Variants in NAALADL2 observed in about 807,000 individuals in gnomAD.
NAALADL2 encodes N-acetylated alpha-linked acidic dipeptidase like 2.
NAALADL2 carries 76 observed loss-of-function variants against 87.2 expected under a neutral mutation model. The ratio of observed to expected loss-of-function variants is 0.87; its 90% CI spans 0.72 to 1.05. NAALADL2 has a LOEUF of 1.05. NAALADL2 is among the 50% of genes least tolerant of loss of function. The probability of loss-of-function intolerance (pLI) is 0.00; values close to 1 mark genes in which losing one functional copy is unlikely to be tolerated. For missense variants in NAALADL2, 1,089 were observed against 945.8 expected (o/e 1.15, Z -1.99); for synonymous variants, 354 against 331.0 (o/e 1.07, Z -0.75).
intron 9 of NAALADL2, among the ~76,000 whole-genome samples, chr3:175,481,600 T>A (rs1373550349): frequency 6.6e-6 from 1 of 151,894 alleles, no homozygotes; most frequent in African/African-American, 2.4e-5. Flanking sequence ...CAAGTCTAGG[T>A]ATTTATCCAA....
intron 5 of NAALADL2, among the ~76,000 whole-genome samples, chr3:175,398,418 C>T (rs6774177): frequency 0.17 from 25,361 of 149,430 alleles, 2,290 homozygotes; most frequent in African/African-American, 0.23. Flanking sequence ...TTCTAATTCC[C>T]CTCCTCTGCT....
chr3:175,210,014 A>G (rs889594286), intron 2 of NAALADL2, among the ~76,000 whole-genome samples: 1 of 151,872 alleles, frequency 6.6e-6, no homozygotes, highest in African/African-American at 2.4e-5. Flanking sequence ...GAATGTATTA[A>G]TATTATACAT....
intron 2 of NAALADL2, among the ~76,000 whole-genome samples, chr3:175,188,690 C>A (rs1159714308): frequency 6.6e-6 from 1 of 152,108 alleles, no homozygotes; most frequent in Non-Finnish European, 1.5e-5. Flanking sequence ...CTGTACTGCT[C>A]CCTGCTAACT....
intron 3 of NAALADL2, among the ~76,000 whole-genome samples, chr3:175,251,464 G>A (rs1749051382): frequency 6.6e-6 from 1 of 152,176 alleles, no homozygotes; most frequent in South Asian, 2.1e-4. Flanking sequence ...TAGAAAAACT[G>A]TGGTACAGAA....
At chr3:174,915,256 T>G (rs1187323058) in intron 1 of NAALADL2, among the ~76,000 whole-genome samples, 1 of 152,180 alleles carries the variant, frequency 6.6e-6, no homozygotes, top group Non-Finnish European at 1.5e-5. Context: ...TATTGTCTTC[T>G]GTGTTATCTC....
intron 5 of NAALADL2, among the ~76,000 whole-genome samples, chr3:175,327,621 A>G (rs550016994): frequency 6.6e-6 from 1 of 152,324 alleles, no homozygotes; most frequent in South Asian, 2.1e-4. Flanking sequence ...TTTATATAAT[A>G]TCTTAAGAAA....
At chr3:175,687,861 G>T (rs900002083) in intron 11 of NAALADL2, among the ~76,000 whole-genome samples, 1 of 151,878 alleles carries the variant, frequency 6.6e-6, no homozygotes, top group Admixed American at 6.6e-5. Flanking sequence ...CTTGCCATGT[G>T]ATGCACCTGT....
At chr3:174,779,797 A>G (rs1445840795) in intron 3 of NAALADL2, among the ~76,000 whole-genome samples, 3 of 151,862 alleles carry the variant, frequency 2.0e-5, no homozygotes, top group Non-Finnish European at 4.4e-5. Flanking sequence ...GTGTGGTGTT[A>G]TTTCTTAGGT....
chr3:175,241,467 C>G (rs781564301), intron 3 of NAALADL2, among the ~76,000 whole-genome samples: 2 of 152,046 alleles, frequency 1.3e-5, no homozygotes, highest in Non-Finnish European at 2.9e-5. Flanking sequence ...GGGATCCACC[C>G]ACCTCGGCCT....
At chr3:175,507,876 CT>C in intron 9 of NAALADL2, among the ~76,000 whole-genome samples, 1 of 152,286 alleles carries the variant, frequency 6.6e-6, no homozygotes, top group East Asian at 1.9e-4. Context: ...TCTTCATACT[CT>C]GTTAGGTTGT....
intron 1 of NAALADL2, among the ~76,000 whole-genome samples, chr3:174,450,639 A>G (rs1715413877): frequency 6.6e-5 from 10 of 152,150 alleles, no homozygotes; most frequent in Admixed American, 6.5e-4. Flanking sequence ...TGGGAGGCCA[A>G]GGCAGGTGGA....
chr3:175,399,486 G>A (rs957836921), intron 5 of NAALADL2, among the ~76,000 whole-genome samples: 1 of 152,090 alleles, frequency 6.6e-6, no homozygotes, highest in Non-Finnish European at 1.5e-5. Flanking sequence ...GTTATTTCTT[G>A]ATGATATGCT....
chr3:175,202,973 C>T (rs1415227317), intron 2 of NAALADL2, among the ~76,000 whole-genome samples: 2 of 152,062 alleles, frequency 1.3e-5, no homozygotes, highest in East Asian at 3.9e-4. Flanking sequence ...CCTTCCCCCG[C>T]CCAAACCCCT....
intron 1 of NAALADL2, among the ~76,000 whole-genome samples, chr3:175,014,902 T>C (rs963961955): frequency 5.9e-5 from 9 of 152,094 alleles, no homozygotes; most frequent in African/African-American, 9.7e-5. Context: ...TTCTCTTTCG[T>C]AAGGGGACTG....
At chr3:175,403,678 C>A (rs1711781142) in intron 5 of NAALADL2, among the ~76,000 whole-genome samples, 2 of 151,960 alleles carry the variant, frequency 1.3e-5, no homozygotes, top group South Asian at 4.1e-4. Context: ...AAATCACAAA[C>A]TTTGATATAT....
rs1469831126 is a variant in NAALADL2 at position 175,132,679 on chromosome 3, C to A, written c.545+35388C>A. 4.5e-5 allele frequency among the ~76,000 whole-genome samples: 6 copies of A among 133,318 alleles called. 1 individual carries two copies. The East Asian group carries it at 1.4e-3, about 32-fold the overall frequency. 87.5% of individuals were successfully genotyped at this position (133,318 alleles called of 152,430 possible). Reference sequence around the variant, plus strand: ...GGGGGCTGACCCCTCCACCTCCCTCCCGGACGGGGCAGCTGGCTGGGCAGA... The same window carrying A: ...GGGGGCTGACCCCTCCACCTCCCTCACGGACGGGGCAGCTGGCTGGGCAGA... On this transcript the variant is annotated intron_variant, in intron 2 of 13. Transcript: ENST00000454872.
chr3:175,195,813 A>G (rs947742530), intron 2 of NAALADL2, among the ~76,000 whole-genome samples: 8 of 151,916 alleles, frequency 5.3e-5, no homozygotes, highest in African/African-American at 1.7e-4. Flanking sequence ...AGTATCTTCA[A>G]TGCTTCAATG....
At chr3:175,635,466 C>T (rs1168217725) in intron 11 of NAALADL2, among the ~76,000 whole-genome samples, 2 of 152,076 alleles carry the variant, frequency 1.3e-5, no homozygotes, top group Admixed American at 6.6e-5. Context: ...GTATTTGTTA[C>T]AGAATCTAAA....
At chr3:174,787,598 T>TACATATATATATATATATATATATAC in intron 3 of NAALADL2, among the ~76,000 whole-genome samples, 12 of 60,184 alleles carry the variant, frequency 2.0e-4, no homozygotes, top group Admixed American at 1.6e-4. Flanking sequence ...TATATATATA[T>TACATATATATATATATATATATATAC]ATATATATAT....
Sources: allele counts gnomAD v4.1 joint callset (sites outside exome capture counted in the v4.1 genomes callset), GRCh38; gene constraint gnomAD v4.1.1; transcripts MANE v1.5; gene names NCBI Gene and HGNC (gene_info 2026-07-23, HGNC 2026-07-21).